The following MYO3B variants were observed in gnomAD, a reference collection of about 807,000 sequenced individuals.
MYO3B encodes the protein myosin IIIB.
Under a neutral mutation model 174.6 loss-of-function variants are expected in MYO3B, and 156 were observed. The observed-to-expected ratio is 0.89, with a 90% confidence interval of 0.78 to 1.02. MYO3B has a LOEUF of 1.02. MYO3B is among the 50% of genes least tolerant of loss of function. The pLI is 0.00. For missense variants in MYO3B, 1,632 were observed against 1,639.4 expected (o/e 1.00, Z 0.08); for synonymous variants, 563 against 569.1 (o/e 0.99, Z 0.15).
intron 32 of MYO3B, among the ~76,000 whole-genome samples, chr2:170,614,990 T>A (rs1398634944): frequency 6.6e-6 from 1 of 152,190 alleles, no homozygotes; most frequent in African/African-American, 2.4e-5. Flanking sequence ...TGATGTTATT[T>A]AATGTCACAG....
chr2:170,475,338 ACTC>A (rs1285398406), intron 25 of MYO3B, among the ~76,000 whole-genome samples: 1 of 151,850 alleles, frequency 6.6e-6, no homozygotes, highest in African/African-American at 2.4e-5. Flanking sequence ...GCAGCTTTGA[ACTC>A]CTGAGCTCAA....
At chr2:170,547,999 C>T (rs529469237) in intron 32 of MYO3B, among the ~76,000 whole-genome samples, 184 of 148,804 alleles carry the variant, frequency 1.2e-3, no homozygotes, top group Non-Finnish European at 1.8e-3. Context: ...CCCAGCTACT[C>T]GGAAGACTGA....
chr2:170,488,212 A>G (rs1012516960), intron 25 of MYO3B, among the ~76,000 whole-genome samples: 3 of 152,266 alleles, frequency 2.0e-5, no homozygotes, highest in African/African-American at 7.2e-5. Flanking sequence ...GATAAAGTCC[A>G]ACATGAACAT....
chr2:170,590,645 A>G (rs949826017), intron 32 of MYO3B, among the ~76,000 whole-genome samples: 14 of 146,152 alleles, frequency 9.6e-5, no homozygotes, highest in African/African-American at 3.4e-4. Context: ...AAATTCAGTT[A>G]CCTGAAAGAT....
chr2:170,303,441 T>A (rs1181475000), intron 7 of MYO3B, among the ~76,000 whole-genome samples: 2 of 152,224 alleles, frequency 1.3e-5, no homozygotes, highest in Non-Finnish European at 2.9e-5. Context: ...TTACATTTTT[T>A]AAATTATGCA....
At chr2:170,301,924 T>C (rs1290130675) in intron 7 of MYO3B, among the ~76,000 whole-genome samples, 1 of 138,044 alleles carries the variant, frequency 7.2e-6, no homozygotes, top group Non-Finnish European at 1.5e-5. Context: ...TCCTTCTCAG[T>C]CACTGGCTTG....
At chr2:170,358,385 A>G (rs1323404361) in intron 8 of MYO3B, among the ~76,000 whole-genome samples, 2 of 152,320 alleles carry the variant, frequency 1.3e-5, no homozygotes, top group East Asian at 3.9e-4. Flanking sequence ...ACAAATCTAC[A>G]GGGACAGAAA....
intron 32 of MYO3B, among the ~76,000 whole-genome samples, chr2:170,629,713 G>A (rs981090659): frequency 1.3e-5 from 2 of 152,134 alleles, no homozygotes; most frequent in Admixed American, 1.3e-4. Flanking sequence ...AGCTGGGCAT[G>A]GTGGCACATG....
At chr2:170,194,449 G>A (rs1363095703) in intron 1 of MYO3B, among the ~76,000 whole-genome samples, 3 of 151,542 alleles carry the variant, frequency 2.0e-5, no homozygotes, top group African/African-American at 4.9e-5. Context: ...AGGCTGCAGT[G>A]AGCCATGATT....
At chr2:170,220,656 G>C (rs957699816) in intron 6 of MYO3B, among the ~76,000 whole-genome samples, 2 of 144,354 alleles carry the variant, frequency 1.4e-5, no homozygotes, top group African/African-American at 5.2e-5. Context: ...AAAAAAAAAT[G>C]GAGTGTTTCT....
intron 32 of MYO3B, among the ~76,000 whole-genome samples, chr2:170,586,615 T>C (rs1051197435): frequency 6.6e-6 from 1 of 152,230 alleles, no homozygotes; most frequent in Non-Finnish European, 1.5e-5. Flanking sequence ...CCCAAAGAAA[T>C]GGCTCATTAT....
intron 7 of MYO3B, among the ~76,000 whole-genome samples, chr2:170,316,873 G>A (rs1314558672): frequency 6.6e-6 from 1 of 152,202 alleles, no homozygotes; most frequent in African/African-American, 2.4e-5. Context: ...CTACACATTT[G>A]ACACTGAAGA....
intron 7 of MYO3B, among the ~76,000 whole-genome samples, chr2:170,317,176 A>G (rs1442881497): frequency 3.3e-5 from 5 of 152,190 alleles, no homozygotes; most frequent in Admixed American, 2.6e-4. Flanking sequence ...GGCTGGTCTC[A>G]TTGAGATGTG....
chr2:170,549,810 A>G (rs1433311712), intron 32 of MYO3B, among the ~76,000 whole-genome samples: 2 of 152,192 alleles, frequency 1.3e-5, no homozygotes, highest in Non-Finnish European at 2.9e-5. Flanking sequence ...GGGCAAGACT[A>G]TGCCTCAGAT....
intron 32 of MYO3B, among the ~76,000 whole-genome samples, chr2:170,552,488 G>C (rs921166555): frequency 2.6e-5 from 4 of 152,170 alleles, no homozygotes; most frequent in African/African-American, 4.8e-5. Flanking sequence ...AGGATATCTG[G>C]TAGAAGAAAT....
intron 30 of MYO3B, among the ~76,000 whole-genome samples, chr2:170,542,263 G>A (rs1305958391): frequency 6.6e-6 from 1 of 152,114 alleles, no homozygotes; most frequent in Non-Finnish European, 1.5e-5. Flanking sequence ...CTTATACAAT[G>A]TGTTCTGATT....
intron 7 of MYO3B, among the ~76,000 whole-genome samples, chr2:170,309,818 A>C (rs1326854761): frequency 6.6e-6 from 1 of 152,208 alleles, no homozygotes; most frequent in East Asian, 1.9e-4. Flanking sequence ...AGTGACGTTT[A>C]GTACATTCAC....
At chr2:170,591,202 A>G (rs1335545802) in intron 32 of MYO3B, among the ~76,000 whole-genome samples, 1 of 152,068 alleles carries the variant, frequency 6.6e-6, no homozygotes, top group Admixed American at 6.5e-5. Context: ...CTCTCCTTTG[A>G]GCATCAGCGG....
chr2:170,354,130 G>A (rs17497248), intron 8 of MYO3B, among the ~76,000 whole-genome samples: 12,996 of 152,250 alleles, frequency 0.085, 585 homozygotes, highest in Middle Eastern at 0.12. Flanking sequence ...ATAGGATCCC[G>A]CAGAAAGAAT....
Sources: gnomAD v4.1 joint callset for allele counts (sites outside exome capture counted in the v4.1 genomes callset) on GRCh38, gnomAD v4.1.1 for gene constraint, MANE v1.5 for transcripts, NCBI Gene and HGNC (gene_info 2026-07-23, HGNC 2026-07-21) for gene names.